The following SCML4 variants were observed in gnomAD, a reference collection of about 807,000 sequenced individuals.
The protein encoded by SCML4 is sex comb on midleg-like protein 4.
Under a neutral mutation model 41.1 loss-of-function variants are expected in SCML4, and 34 were observed. The ratio of observed to expected loss-of-function variants is 0.83; its 90% CI spans 0.63 to 1.10. The LOEUF (loss-of-function observed/expected upper bound fraction) is 1.10. Among genes scored for constraint, SCML4 ranks in the 50% least tolerant of loss-of-function variants. The pLI is 0.00. For synonymous variants in SCML4, 214 were observed against 220.9 expected, an observed-to-expected ratio of 0.97 and a Z score of 0.28; for missense variants, 522 against 534.1, an observed-to-expected ratio of 0.98 and a Z score of 0.22.
intron 2 of SCML4, among the ~76,000 whole-genome samples, chr6:107,759,123 C>T (rs1171487648): frequency 1.5e-3 from 33 of 21,834 alleles, no homozygotes; most frequent in Non-Finnish European, 2.1e-3. Context: ...TCCATCTCTA[C>T]AAAAAATACA....
At chr6:107,839,457 G>T in the SCML4 span, among the ~76,000 whole-genome samples, 4 of 151,896 alleles carry the variant, frequency 2.6e-5, no homozygotes, top group Non-Finnish European at 1.5e-5. Flanking sequence ...GGAAAGAAAA[G>T]AAAAGAAATT....
intron 2 of SCML4, among the ~76,000 whole-genome samples, chr6:107,756,164 G>A (rs1167325245): frequency 6.6e-6 from 1 of 152,084 alleles, no homozygotes. Context: ...CTTACGGATG[G>A]GCTGTGCACA....
At chr6:107,759,331 A>AC (rs1779380822) in intron 2 of SCML4, among the ~76,000 whole-genome samples, 4 of 101,108 alleles carry the variant, frequency 4.0e-5, no homozygotes, top group African/African-American at 1.4e-4. Context: ...CCCTGTCTCA[A>AC]AATACATACA....
intron 1 of SCML4, among the ~76,000 whole-genome samples, chr6:107,775,560 G>A (rs1780874077): frequency 6.6e-6 from 1 of 152,220 alleles, no homozygotes; most frequent in Non-Finnish European, 1.5e-5. Flanking sequence ...GATTTCATAA[G>A]AAGTAGAAAG....
chr6:107,819,063 G>T (rs908747474), intron 1 of SCML4, among the ~76,000 whole-genome samples: 1 of 151,892 alleles, frequency 6.6e-6, no homozygotes, highest in Non-Finnish European at 1.5e-5. Flanking sequence ...GCTGACAGCT[G>T]TATGGTACTC....
At chr6:107,806,920 C>T (rs766156363) in intron 1 of SCML4, among the ~76,000 whole-genome samples, 43 of 152,354 alleles carry the variant, frequency 2.8e-4, no homozygotes, top group African/African-American at 7.2e-4. Flanking sequence ...ACCGCCTGCC[C>T]GCTGGCAGAG....
chr6:107,732,945 C>T (rs1230080176), intron 5 of SCML4, among the ~76,000 whole-genome samples: 1 of 152,230 alleles, frequency 6.6e-6, no homozygotes, highest in Non-Finnish European at 1.5e-5. Flanking sequence ...GAGAGGTTCA[C>T]AGCACTCCTA....
chr6:107,711,288 T>A (rs1435815431), intron 6 of SCML4, among the ~76,000 whole-genome samples: 1 of 152,242 alleles, frequency 6.6e-6, no homozygotes. Context: ...TGACAGGGGT[T>A]ATAATCATTG....
chr6:107,791,292 T>C (rs9486700), intron 1 of SCML4, among the ~76,000 whole-genome samples: 3,896 of 152,126 alleles, frequency 0.026, 170 homozygotes, highest in African/African-American at 0.088. Context: ...GGTCTCAAAC[T>C]GGAGATGGCA....
chr6:107,827,486 C>A (rs1001964596), upstream of SCML4, among the ~76,000 whole-genome samples: 1 of 151,586 alleles, frequency 6.6e-6, no homozygotes, highest in Non-Finnish European at 1.5e-5. Context: ...TTAAAAAATC[C>A]TAAATGTTTT....
rs188484602 is a variant in SCML4, at chr6:107,764,489, C to T, written c.156+7683G>A. 1.4e-3 allele frequency among the ~76,000 whole-genome samples: 217 copies of T among 152,154 alleles called. 1 individual carries two copies. Among genetic ancestry groups the T allele is most frequent in the Non-Finnish European group, 2.4e-3 (161 of 68,016 alleles). On this transcript the variant is annotated intron_variant, in intron 2 of 7. Coordinates refer to ENST00000369020, the MANE Select transcript of SCML4 (RefSeq NM_198081.5). ...AAATGATGTGGGACAGGATTCGGATCCTATGGGTTCAGATGCTGGTCTGTA... is the reference window on the plus strand; with the variant it reads ...AAATGATGTGGGACAGGATTCGGATTCTATGGGTTCAGATGCTGGTCTGTA...
the SCML4 span, among the ~76,000 whole-genome samples, chr6:107,831,132 T>C: frequency 6.6e-6 from 1 of 151,978 alleles, no homozygotes; most frequent in South Asian, 2.1e-4. Flanking sequence ...TCTATGAAAG[T>C]GGTGTAACGG....
intron 1 of SCML4, among the ~76,000 whole-genome samples, chr6:107,815,180 G>A (rs1784474359): frequency 6.6e-6 from 1 of 152,170 alleles, no homozygotes. Flanking sequence ...AACAGTGATG[G>A]TAACAGCTTC....
chr6:107,800,036 T>TG (rs1393201402), intron 1 of SCML4, among the ~76,000 whole-genome samples: 19 of 151,742 alleles, frequency 1.3e-4, no homozygotes, highest in Non-Finnish European at 1.6e-4. Flanking sequence ...TGTTTTGAGA[T>TG]GGGGGGGTCT....
chr6:107,767,481 G>A (rs1179432280), intron 2 of SCML4, among the ~76,000 whole-genome samples: 2 of 152,116 alleles, frequency 1.3e-5, no homozygotes, highest in African/African-American at 4.8e-5. Flanking sequence ...TGACTCTCTT[G>A]TTACACAGGG....
At chr6:107,844,382 A>G in the SCML4 span, among the ~76,000 whole-genome samples, 698 of 152,322 alleles carry the variant, frequency 4.6e-3, 13 homozygotes, top group African/African-American at 0.016. Flanking sequence ...TGAGCTCACA[A>G]TGTATCAAGA....
intron 1 of SCML4, among the ~76,000 whole-genome samples, chr6:107,811,480 A>G (rs1784154679): frequency 6.6e-6 from 1 of 152,148 alleles, no homozygotes; most frequent in Non-Finnish European, 1.5e-5. Context: ...GGGTGCTTCC[A>G]TCCCTGTCTC....
chr6:107,759,044 T>C (rs1426693842), intron 2 of SCML4, among the ~76,000 whole-genome samples: 3 of 146,018 alleles, frequency 2.1e-5, no homozygotes, highest in Non-Finnish European at 4.4e-5. Context: ...CCCAGCACTT[T>C]AGGAGACTGA....
intron 5 of SCML4, among the ~76,000 whole-genome samples, chr6:107,728,517 G>A (rs1354147611): frequency 6.6e-6 from 1 of 152,188 alleles, no homozygotes; most frequent in African/African-American, 2.4e-5. Flanking sequence ...GCTGAGGCAG[G>A]AGAATTGCTT....
Sources: gnomAD v4.1 joint callset for allele counts (sites outside exome capture counted in the v4.1 genomes callset) on GRCh38, gnomAD v4.1.1 for gene constraint, MANE v1.5 for transcripts, NCBI Gene and HGNC (gene_info 2026-07-23, HGNC 2026-07-21) for gene names.